SLC5A11: variants seen among roughly 807,000 people sequenced by gnomAD.
The protein encoded by SLC5A11 is sodium/myo-inositol cotransporter 2.
In SLC5A11, 48 loss-of-function variants were observed where a neutral mutation model predicts 69.8. The observed-to-expected ratio is 0.69, with a 90% confidence interval of 0.55 to 0.87. The LOEUF is 0.87. Among genes scored for constraint, SLC5A11 ranks in the 40% least tolerant of loss-of-function variants. The pLI, the probability that SLC5A11 is intolerant of heterozygous loss-of-function variation, is 0.00. For synonymous variants in SLC5A11, 319 were observed against 342.4 expected (o/e 0.93, Z 0.75); for missense variants, 784 against 866.1 (o/e 0.91, Z 1.19).
At chr16:24,885,449 C>G (rs1247085129) in intron 8 of SLC5A11, among the ~76,000 whole-genome samples, 1 of 151,958 alleles carries the variant, frequency 6.6e-6, no homozygotes, top group African/African-American at 2.4e-5. Flanking sequence ...GAGTTTGAGA[C>G]CAGCCTGAGC....
intron 6 of SLC5A11, among the ~76,000 whole-genome samples, chr16:24,876,767 G>C (rs1449856282): frequency 1.3e-5 from 2 of 152,186 alleles, no homozygotes; most frequent in Non-Finnish European, 2.9e-5. Flanking sequence ...AAAGGGGATT[G>C]GCCCTCCAGA....
chr16:24,849,593 A>AAAAAAAAAAAAT lies in SLC5A11; in HGVS notation c.-25+3156_-25+3157insAAAAAAAAAATA. Among the ~76,000 whole-genome samples, 5 of 35,912 alleles carry AAAAAAAAAAAAT rather than the reference A, an allele frequency of 1.4e-4. 1 individual carries two copies. Among genetic ancestry groups the AAAAAAAAAAAAT allele is most frequent in the African/African-American group, 4.6e-4 (5 of 10,872 alleles). The allele number at this position is 35,912 out of a possible 152,430, so 23.6% of individuals were successfully genotyped here. ...GGGGCAAAAAAAAAAAAAAAAAAAA[A>AAAAAAAAAAAAT]ATATATATATATATATATATATATA... On this transcript the variant is annotated intron_variant, in intron 1 of 15. Transcript: ENST00000347898.
chr16:24,868,414 C>A (rs1413187508), intron 3 of SLC5A11, among the ~76,000 whole-genome samples: 1 of 150,084 alleles, frequency 6.7e-6, no homozygotes, highest in Non-Finnish European at 1.5e-5. Context: ...CACGGTGAAA[C>A]CCCGTCTCTA....
In SLC5A11 at chr16:24,907,191, G is replaced by A. The variant is rs541113612; in HGVS notation, c.1265+16G>A. On this transcript the variant is annotated intron_variant, in intron 12 of 15. Coordinates refer to ENST00000347898, the Ensembl canonical transcript of SLC5A11. ...TTGTGGGCAGGTAAGTCCCCACTGG[G>A]TGGGGCTGGGGCAGGGGGAAGAGAG... is the stretch of plus-strand genomic sequence containing the variant. 3.7e-6 allele frequency: 6 copies of A among 1,613,544 alleles called. No individual in the cohort carries two copies. Among genetic ancestry groups the A allele is most frequent in the East Asian group, 2.2e-5 (1 of 44,862 alleles).
At chr16:24,889,849 GTC>G (rs2048661104) in intron 8 of SLC5A11, among the ~76,000 whole-genome samples, 1 of 152,044 alleles carries the variant, frequency 6.6e-6, no homozygotes, top group Non-Finnish European at 1.5e-5. Flanking sequence ...TGCCTGGCCA[GTC>G]TTACAATTTA....
intron 8 of SLC5A11, among the ~76,000 whole-genome samples, chr16:24,885,288 A>AG (rs72164944): frequency 0.37 from 56,638 of 151,422 alleles, 11,706 homozygotes; most frequent in Non-Finnish European, 0.47. Flanking sequence ...ATTATTGTTA[A>AG]GCGGGGGACA....
chr16:24,903,473 A>G (rs1008380168), intron 10 of SLC5A11, among the ~76,000 whole-genome samples: 3 of 152,084 alleles, frequency 2.0e-5, no homozygotes, highest in Admixed American at 6.6e-5. Flanking sequence ...GTACTTTTCT[A>G]TCCATTTACC....
At chr16:24,850,427 A>G (rs978567518) in intron 1 of SLC5A11, among the ~76,000 whole-genome samples, 12 of 152,270 alleles carry the variant, frequency 7.9e-5, no homozygotes, top group Admixed American at 3.3e-4. Flanking sequence ...GGCTGCCTCC[A>G]CTAGGCTCCC....
At chr16:24,850,552 C>T (rs72770449) in intron 1 of SLC5A11, among the ~76,000 whole-genome samples, 16,121 of 152,148 alleles carry the variant, frequency 0.11, 1,223 homozygotes, top group East Asian at 0.34. Flanking sequence ...GGTGATGAGA[C>T]CCGTGCCAGT....
chr16:24,881,940 T>C (rs1383363309), intron 7 of SLC5A11, among the ~76,000 whole-genome samples: 1 of 152,204 alleles, frequency 6.6e-6, no homozygotes, highest in Non-Finnish European at 1.5e-5. Context: ...GGAATACTAT[T>C]GGATGCTCTA....
intron 2 of SLC5A11, 150 bp downstream of exon 3, chr16:24,858,928 T>G: frequency 4.0e-6 from 4 of 987,822 alleles, no homozygotes; most frequent in Non-Finnish European, 4.2e-6. Context: ...AACTTAAAAA[T>G]TTTAAACATG....
intron 4 of SLC5A11, among the ~76,000 whole-genome samples, 185 bp downstream of exon 5, chr16:24,870,190 C>G (rs1012081834): frequency 2.7e-5 from 4 of 150,188 alleles, no homozygotes; most frequent in Admixed American, 2.7e-4. Context: ...GTCAGGAGTT[C>G]GAGACCAGCC....
chr16:24,871,802 G>T lies in SLC5A11; in HGVS notation c.313-358G>T, dbSNP rs868244952. On this transcript the variant is annotated intron_variant, in intron 4 of 15. Coordinates refer to ENST00000347898, the Ensembl canonical transcript of SLC5A11. ...TGAGAAAAATGAGTCTCGGAGACCT[G>T]TGTTAACTCTTGTGGTCGTCTTTGA... 2.6e-5 allele frequency among the ~76,000 whole-genome samples: 4 copies of T among 152,094 alleles called. No homozygotes were observed. In the South Asian group the frequency reaches 8.3e-4, roughly 32 times the overall value.
At chr16:24,871,576 C>T (rs2047306148) in intron 4 of SLC5A11, among the ~76,000 whole-genome samples, 1 of 151,992 alleles carries the variant, frequency 6.6e-6, no homozygotes, top group African/African-American at 2.4e-5. Context: ...CCCAGCTGGG[C>T]AAGTTTCTTA....
At chr16:24,884,991 C>T (rs1324478195) in intron 8 of SLC5A11, among the ~76,000 whole-genome samples, 1 of 152,184 alleles carries the variant, frequency 6.6e-6, no homozygotes, top group Non-Finnish European at 1.5e-5. Context: ...AATCACCTGC[C>T]TCGGCCTCCC....
intron 8 of SLC5A11, 26 bp from the exon 10 acceptor site, chr16:24,890,843 G>A (rs1206813999): frequency 6.2e-7 from 1 of 1,612,466 alleles, no homozygotes; most frequent in African/African-American, 1.3e-5. Flanking sequence ...TGAGTTCCCG[G>A]AAAATAGGCT....
intron 7 of SLC5A11, among the ~76,000 whole-genome samples, chr16:24,879,524 G>A (rs910591816): frequency 2.6e-5 from 4 of 152,138 alleles, no homozygotes; most frequent in Non-Finnish European, 5.9e-5. Flanking sequence ...ATCACCTGAG[G>A]TCAGGAGTTC....
chr16:24,878,455 G>C (rs765432762), intron 7 of SLC5A11, among the ~76,000 whole-genome samples: 1 of 151,964 alleles, frequency 6.6e-6, no homozygotes, highest in African/African-American at 2.4e-5. Context: ...ACCCTTTTCC[G>C]CCTCCTCTTG....
intron 10 of SLC5A11, among the ~76,000 whole-genome samples, chr16:24,901,825 C>T (rs991531204): frequency 1.3e-5 from 2 of 151,418 alleles, no homozygotes; most frequent in African/African-American, 4.9e-5. Flanking sequence ...TGGCTCACGC[C>T]TGTAATCCCA....
Sources: allele counts gnomAD v4.1 joint callset (sites outside exome capture counted in the v4.1 genomes callset), GRCh38; gene constraint gnomAD v4.1.1; transcripts MANE v1.5; gene names NCBI Gene and HGNC (gene_info 2026-07-23, HGNC 2026-07-21).